SCAPER: variants seen among roughly 807,000 people sequenced by gnomAD.
SCAPER encodes S phase cyclin A-associated protein in the endoplasmic reticulum.
In SCAPER, 98 loss-of-function variants were observed where a neutral mutation model predicts 182.2. The ratio of observed to expected loss-of-function variants is 0.54; its 90% confidence interval spans 0.46 to 0.64. The LOEUF (loss-of-function observed/expected upper bound fraction) is 0.64. Among genes scored for constraint, SCAPER ranks in the 30% least tolerant of loss-of-function variants. The pLI, the probability that SCAPER is intolerant of heterozygous loss-of-function variation, is 0.00. For synonymous variants in SCAPER, 605 were observed against 564.6 expected, an observed-to-expected ratio of 1.07 and a Z score of -1.01; for missense variants, 1,432 against 1,690.0, an observed-to-expected ratio of 0.85 and a Z score of 2.68.
chr15:76,570,294 T>C (rs1039633910), intron 23 of SCAPER, among the ~76,000 whole-genome samples: 6 of 152,070 alleles, frequency 3.9e-5, no homozygotes, highest in African/African-American at 1.2e-4. Flanking sequence ...TCATAGTCCC[T>C]ACCATTGATT....
chr15:76,680,411 G>GATGATAATAATAATA (rs1032738002), intron 20 of SCAPER, among the ~76,000 whole-genome samples: 4 of 142,590 alleles, frequency 2.8e-5, no homozygotes, highest in African/African-American at 1.0e-4. Flanking sequence ...TGATGATGAT[G>GATGATAATAATAATA]ATAATAATAA....
At chr15:76,594,497 A>C (rs1420851881) in intron 22 of SCAPER, among the ~76,000 whole-genome samples, 2 of 120,978 alleles carry the variant, frequency 1.7e-5, no homozygotes, top group African/African-American at 5.0e-5. Context: ...ATACTCCTCG[A>C]GAAGAGCAAC....
intron 17 of SCAPER, among the ~76,000 whole-genome samples, chr15:76,721,990 T>A (rs1265979402): frequency 3.3e-5 from 5 of 152,330 alleles, no homozygotes; most frequent in African/African-American, 1.2e-4. Context: ...AGAGAGGGCA[T>A]CCCTGTCTTG....
chr15:76,450,863 A>G (rs781486950), intron 25 of SCAPER, among the ~76,000 whole-genome samples: 38 of 152,354 alleles, frequency 2.5e-4, no homozygotes, highest in Non-Finnish European at 4.1e-4. Context: ...CTGTAAACAC[A>G]TATTTAAAAA....
chr15:76,375,262 C>A (rs2141883767), intron 29 of SCAPER, among the ~76,000 whole-genome samples: 1 of 141,644 alleles, frequency 7.1e-6, no homozygotes, highest in African/African-American at 2.6e-5. Flanking sequence ...CAAATGAAAT[C>A]TATGAAATCT....
intron 20 of SCAPER, among the ~76,000 whole-genome samples, chr15:76,680,589 G>A (rs1447140327): frequency 6.6e-6 from 1 of 152,056 alleles, no homozygotes; most frequent in African/African-American, 2.4e-5. Context: ...GGGTGATGGG[G>A]GTGGATGCCT....
Position 76,754,091 on chromosome 15 carries a change from C to A in SCAPER, c.1726-143G>T. On this transcript the variant is annotated intron_variant, in intron 14 of 31. Transcript: ENST00000563290. Reference sequence around the variant, plus strand: ...CATGACTAACAATTAAGGACACAGACTATGAAGCCAGACTACCTGAATTCA... The same window carrying A: ...CATGACTAACAATTAAGGACACAGAATATGAAGCCAGACTACCTGAATTCA... 5.5e-6 allele frequency: 5 copies of A among 908,454 alleles called. No individual in the cohort carries two copies. In the South Asian group the frequency reaches 9.8e-5, roughly 18 times the overall value. The allele number at this position is 908,454 out of a possible 1,614,324, so 56.3% of individuals were successfully genotyped here.
chr15:76,511,899 T>TGAGATGGAGTCTTGCTC, intron 23 of SCAPER, among the ~76,000 whole-genome samples: 2 of 138,692 alleles, frequency 1.4e-5, no homozygotes, highest in East Asian at 2.1e-4. Flanking sequence ...TTTTTTTTTT[T>TGAGATGGAGTCTTGCTC]TGAGATGGAG....
At chr15:76,779,434 T>C (rs188526085) in intron 8 of SCAPER, among the ~76,000 whole-genome samples, 73 of 152,196 alleles carry the variant, frequency 4.8e-4, no homozygotes, top group African/African-American at 1.8e-3. Flanking sequence ...TGCCAATAAA[T>C]TCAATGACAT....
intron 25 of SCAPER, among the ~76,000 whole-genome samples, chr15:76,437,223 C>T (rs1194838935): frequency 6.6e-6 from 1 of 152,120 alleles, no homozygotes; most frequent in African/African-American, 2.4e-5. Context: ...CCCCTCTTTG[C>T]AGCCCCCGTG....
intron 23 of SCAPER, among the ~76,000 whole-genome samples, chr15:76,517,352 C>A (rs2042508831): frequency 7.2e-6 from 1 of 138,474 alleles, no homozygotes. Context: ...ATATTAACAT[C>A]TTTTTTTTTT....
rs199940124 is a variant in SCAPER, at chr15:76,376,206, T to C, written c.3811A>G (p.Ile1271Val). The change falls in exon 29 of 32, where the codon ATC (isoleucine) becomes GTC (valine). Residue 1271 changes from isoleucine (I) to valine (V), a missense_variant. Physicochemically the swap from Ile to Val is conservative, Grantham distance 29. This residue lies in a region of SCAPER where 718 missense variants were observed against 799.7 expected (regional missense o/e 0.90). Transcript: ENST00000563290. ...ACAGTGAAGTAGCCCACACAGACGA[T>C]GACCTCATGAAGGAGGCTTTCACAG... is the stretch of plus-strand genomic sequence containing the variant. Reference protein sequence around the residue: ...VSCESLLHEVIVCVGYFTVNH... With the variant: ...VSCESLLHEVVVCVGYFTVNH... The C allele has an allele frequency of 5.6e-4, 896 of 1,613,868 alleles. 3 individuals carry two copies. The highest frequency in any genetic ancestry group is 6.9e-4 in the Non-Finnish European group (812 of 1,179,880).
At chr15:76,547,958 T>G (rs149176147) in intron 23 of SCAPER, among the ~76,000 whole-genome samples, 97 of 152,312 alleles carry the variant, frequency 6.4e-4, no homozygotes, top group African/African-American at 2.1e-3. Flanking sequence ...CTGTTTTGAT[T>G]GAATCTTACT....
intron 5 of SCAPER, among the ~76,000 whole-genome samples, chr15:76,837,127 T>C (rs953675200): frequency 6.6e-6 from 1 of 152,006 alleles, no homozygotes; most frequent in African/African-American, 2.4e-5. Flanking sequence ...GGAGAAAACA[T>C]TCACAAACTA....
At chr15:76,781,772 C>T (rs1177604736) in intron 8 of SCAPER, among the ~76,000 whole-genome samples, 1 of 152,112 alleles carries the variant, frequency 6.6e-6, no homozygotes, top group Non-Finnish European at 1.5e-5. Flanking sequence ...CCCAGAATTT[C>T]ATATCCAGCC....
intron 25 of SCAPER, among the ~76,000 whole-genome samples, chr15:76,443,749 C>T (rs1448101179): frequency 2.0e-5 from 3 of 152,186 alleles, no homozygotes; most frequent in Non-Finnish European, 4.4e-5. Flanking sequence ...TCCAGCTCAG[C>T]TGCAGACAAG....
chr15:76,552,401 G>A lies in SCAPER; in HGVS notation c.2838+21757C>T, dbSNP rs535139344. ...ACTGGCACACTCTGAGCAGATCATC[G>A]GAGGGAAGGCATTGAGAGTGGATAG... On this transcript the variant is annotated intron_variant, in intron 23 of 31. Coordinates refer to ENST00000563290, the MANE Select transcript of SCAPER (RefSeq NM_020843.4). Among the ~76,000 whole-genome samples, 23 of 152,240 alleles carry A rather than the reference G, an allele frequency of 1.5e-4. No individual in the cohort carries two copies. The East Asian group carries it at 4.1e-3, about 27-fold the overall frequency.
At chr15:76,549,200 G>A (rs1019554315) in intron 23 of SCAPER, among the ~76,000 whole-genome samples, 13 of 152,162 alleles carry the variant, frequency 8.5e-5, no homozygotes, top group South Asian at 6.2e-4. Flanking sequence ...TCAGTGTGGC[G>A]ATTCCTCAGG....
intron 24 of SCAPER, among the ~76,000 whole-genome samples, chr15:76,491,381 A>C (rs1022590921): frequency 2.0e-5 from 3 of 152,218 alleles, no homozygotes; most frequent in African/African-American, 7.2e-5. Flanking sequence ...ACATCCATAA[A>C]CATTCATTTA....
Sources: allele counts gnomAD v4.1 joint callset (sites outside exome capture counted in the v4.1 genomes callset), GRCh38; gene constraint gnomAD v4.1.1; regional missense constraint gnomAD v4.1.1; transcripts MANE v1.5; gene names NCBI Gene and HGNC (gene_info 2026-07-23, HGNC 2026-07-21).